The following ALG6 variants were observed in gnomAD, a reference collection of about 807,000 sequenced individuals.
The protein encoded by ALG6 is ALG6 alpha-1,3-glucosyltransferase.
Under a neutral mutation model 66.6 loss-of-function variants are expected in ALG6, and 46 were observed. That is an observed-to-expected ratio of 0.69 (90% CI 0.55 to 0.88). The LOEUF is 0.88. Ranked by LOEUF, ALG6 falls within the 40% of genes least tolerant of loss-of-function variation. The pLI is 0.00. For missense variants in ALG6, 505 were observed against 586.8 expected (o/e 0.86, Z 1.44); for synonymous variants, 185 against 203.7 (o/e 0.91, Z 0.78).
In ALG6 at chr1:63,422,274, T is replaced by TCTATAAATATATATATTTATATAG. The variant is rs1206680845; in HGVS notation, c.1058+2834_1058+2835insCTATAAATATATATATTTATATAG. 1.5e-3 allele frequency among the ~76,000 whole-genome samples: 60 copies of TCTATAAATATATATATTTATATAG among 39,474 alleles called. 5 individuals are homozygous for TCTATAAATATATATATTTATATAG. Among genetic ancestry groups the TCTATAAATATATATATTTATATAG allele is most frequent in the Non-Finnish European group, 1.9e-3 (48 of 25,016 alleles). The allele number at this position is 39,474 out of a possible 152,430, so 25.9% of individuals were successfully genotyped here. A position where few individuals can be genotyped will look rare whatever the true frequency, so the allele number is the denominator to read the frequency against. On this transcript the variant is annotated intron_variant, in intron 12 of 14. Coordinates refer to ENST00000263440, the MANE Select transcript of ALG6 (RefSeq NM_013339.4). Reference sequence around the variant, plus strand: ...ATATATTTATATAGATATAAATATATATATAAATATATATATTTATATAGA... The same window carrying TCTATAAATATATATATTTATATAG: ...ATATATTTATATAGATATAAATATATCTATAAATATATATATTTATATAGATATAAATATATATATTTATATAGA...
At chr1:63,401,581 G>A (rs1451570015) in intron 3 of ALG6, among the ~76,000 whole-genome samples, 32 of 148,714 alleles carry the variant, frequency 2.2e-4, no homozygotes, top group African/African-American at 5.4e-4. Context: ...CAGGAGAATC[G>A]CTTAAAAAAA....
In ALG6 at chr1:63,438,349, C is replaced by CCAT. The variant is rs1452288015; in HGVS notation, c.*1331_*1333dup. On this transcript the variant is annotated 3_prime_UTR_variant, in exon 15 of 15. Coordinates refer to ENST00000263440, the MANE Select transcript of ALG6 (RefSeq NM_013339.4). ...GCAAGAACATTGCTGTCCATGGTCA[C>CCAT]CATCTGTAATCACTGTGCCCAAATG... 1.3e-5 allele frequency: 2 copies of CCAT among 152,154 alleles called. No individual in the cohort carries two copies. The highest frequency in any genetic ancestry group is 4.8e-5 in the African/African-American group (2 of 41,440). 9.4% of individuals were successfully genotyped at this position (152,154 alleles called of 1,614,324 possible). A position where few individuals can be genotyped will look rare whatever the true frequency, so the allele number is the denominator to read the frequency against.
At chr1:63,380,352 G>A (rs1194428435) in intron 2 of ALG6, among the ~76,000 whole-genome samples, 1 of 152,176 alleles carries the variant, frequency 6.6e-6, no homozygotes, top group African/African-American at 2.4e-5. Context: ...GTTCGTGAAC[G>A]GAAGAAAGGA....
At chr1:63,375,189 G>A (rs1030377560) in intron 2 of ALG6, among the ~76,000 whole-genome samples, 1 of 143,108 alleles carries the variant, frequency 7.0e-6, no homozygotes, top group Non-Finnish European at 1.5e-5. Context: ...GTGACAGAGG[G>A]AGACTCCATT....
intron 2 of ALG6, among the ~76,000 whole-genome samples, chr1:63,373,847 C>A (rs925132667): frequency 2.6e-5 from 4 of 151,736 alleles, no homozygotes; most frequent in South Asian, 2.1e-4. Context: ...GTCTTGAACT[C>A]CTGGGCTCGA....
chr1:63,432,059 T>G (rs1221144852), intron 14 of ALG6, among the ~76,000 whole-genome samples: 1 of 152,080 alleles, frequency 6.6e-6, no homozygotes, highest in African/African-American at 2.4e-5. Context: ...GTAACAAGAG[T>G]GGACATCTTC....
rs1553155136 is a variant in ALG6, at chr1:63,400,361, G to GTATATATATGTATATACGTA, written c.168-1877_168-1876insCGTATATATATATGTATATA. Among the ~76,000 whole-genome samples the GTATATATATGTATATACGTA allele has an allele frequency of 7.7e-4, 78 of 101,164 alleles. 2 individuals carry two copies. Among genetic ancestry groups the GTATATATATGTATATACGTA allele is most frequent in the Non-Finnish European group, 1.2e-3 (67 of 54,314 alleles). 66.4% of individuals were successfully genotyped at this position (101,164 alleles called of 152,430 possible). A position where few individuals can be genotyped will look rare whatever the true frequency, so the allele number is the denominator to read the frequency against. ...CGTATATATATATGTATATATATAT[G>GTATATATATGTATATACGTA]TATATATATGTATATATATATAAAA... On this transcript the variant is annotated intron_variant, in intron 3 of 14. Coordinates refer to ENST00000263440, the MANE Select transcript of ALG6 (RefSeq NM_013339.4).
At chr1:63,383,079 C>T (rs752640316) in intron 2 of ALG6, among the ~76,000 whole-genome samples, 3 of 151,994 alleles carry the variant, frequency 2.0e-5, no homozygotes, top group Non-Finnish European at 4.4e-5. Flanking sequence ...TCCCAAAGTG[C>T]AGGGATTACA....
At chr1:63,407,250 C>A in intron 7 of ALG6, 124 bp downstream of exon 7, 2 of 692,716 alleles carry the variant, frequency 2.9e-6, no homozygotes, top group South Asian at 1.6e-5. Context: ...AACTATTTCA[C>A]AATAATATAA....
chr1:63,433,210 G>C lies in ALG6; in HGVS notation c.1327-3613G>C, dbSNP rs577051117. 2.0e-5 allele frequency among the ~76,000 whole-genome samples: 3 copies of C among 152,162 alleles called. No homozygotes were observed. Among genetic ancestry groups the C allele is most frequent in the African/African-American group, 7.2e-5 (3 of 41,428 alleles). On this transcript the variant is annotated intron_variant, in intron 14 of 14. Coordinates refer to ENST00000263440, the MANE Select transcript of ALG6 (RefSeq NM_013339.4). This position sits in a 1 kb window ranked among gnomAD's most constrained non-coding sequence, Gnocchi z 4.2. ...CCCGCCTCAGCCTCCCAAAGTGCTGGGATTACAGGCGTGAGCTACCGCGCC... is the reference window on the plus strand; with the variant it reads ...CCCGCCTCAGCCTCCCAAAGTGCTGCGATTACAGGCGTGAGCTACCGCGCC...
intron 10 of ALG6, among the ~76,000 whole-genome samples, chr1:63,415,667 C>T (rs969763907): frequency 1.5e-5 from 2 of 136,560 alleles, no homozygotes; most frequent in Non-Finnish European, 3.2e-5. Flanking sequence ...ATTATGTAAT[C>T]GTGTATAAAA....
intron 3 of ALG6, among the ~76,000 whole-genome samples, chr1:63,397,460 C>T (rs1648860666): frequency 6.6e-6 from 1 of 152,140 alleles, no homozygotes; most frequent in South Asian, 2.1e-4. Flanking sequence ...GCTGGGATTA[C>T]AGGCTTGAGC....
At chr1:63,434,242 T>A (rs570098812) in intron 14 of ALG6, among the ~76,000 whole-genome samples, 1 of 152,144 alleles carries the variant, frequency 6.6e-6, no homozygotes, top group Non-Finnish European at 1.5e-5. Context: ...TTAGAAATGG[T>A]CAGATTTTTT....
intron 2 of ALG6, among the ~76,000 whole-genome samples, chr1:63,382,698 CG>C (rs1472382514): frequency 6.9e-5 from 8 of 115,208 alleles, no homozygotes; most frequent in African/African-American, 2.6e-4. Context: ...TTTTTTGAGA[CG>C]GAGTCTGGCT....
chr1:63,414,555 G>A (rs1007394898), intron 10 of ALG6, among the ~76,000 whole-genome samples: 1 of 152,094 alleles, frequency 6.6e-6, no homozygotes, highest in South Asian at 2.1e-4. Context: ...CAGCCGAGGT[G>A]TTTTTCTTTA....
At chr1:63,378,366 C>A (rs1198156830) in intron 2 of ALG6, among the ~76,000 whole-genome samples, 1 of 152,006 alleles carries the variant, frequency 6.6e-6, no homozygotes, top group Non-Finnish European at 1.5e-5. Flanking sequence ...TTTGCCTTTC[C>A]TTTCTTGCTG....
At chr1:63,392,240 G>A (rs954303896) in intron 2 of ALG6, among the ~76,000 whole-genome samples, 3 of 151,408 alleles carry the variant, frequency 2.0e-5, no homozygotes, top group South Asian at 2.1e-4. Flanking sequence ...GCATGATCTC[G>A]GCTCACTGCA....
chr1:63,376,226 G>A (rs1163340129), intron 2 of ALG6, among the ~76,000 whole-genome samples: 1 of 152,134 alleles, frequency 6.6e-6, no homozygotes, highest in African/African-American at 2.4e-5. Flanking sequence ...GAATACTGTA[G>A]GCAGTTGTAG....
At chr1:63,371,501 G>A (rs1647923595) in intron 2 of ALG6, among the ~76,000 whole-genome samples, 1 of 152,132 alleles carries the variant, frequency 6.6e-6, no homozygotes, top group South Asian at 2.1e-4. Context: ...ATGTAACTCT[G>A]CAGGTACCTA....
Sources: allele counts gnomAD v4.1 joint callset (sites outside exome capture counted in the v4.1 genomes callset), GRCh38; gene constraint gnomAD v4.1.1; non-coding constraint Gnocchi (gnomAD v3.1); transcripts MANE v1.5; gene names NCBI Gene and HGNC (gene_info 2026-07-23, HGNC 2026-07-21).